Variants in SMG7 observed in about 807,000 individuals in gnomAD.
SMG7 encodes nonsense-mediated mRNA decay factor SMG7.
Under a neutral mutation model 148.2 loss-of-function variants are expected in SMG7, and 34 were observed. That is an observed-to-expected ratio of 0.23 (90% CI 0.17 to 0.31). SMG7 has a LOEUF of 0.31. SMG7 is among the 10% of genes least tolerant of loss of function. SMG7 has a pLI of 1.00. For missense variants in SMG7, 1,114 were observed against 1,408.4 expected (o/e 0.79, Z 3.35); for synonymous variants, 492 against 515.1 (o/e 0.96, Z 0.61).
chr1:183,490,967 G>T (rs905245932), intron 1 of SMG7, among the ~76,000 whole-genome samples: 1 of 152,134 alleles, frequency 6.6e-6, no homozygotes, highest in Non-Finnish European at 1.5e-5. Flanking sequence ...TATATTTTTA[G>T]TAGAGCTGGG....
chr1:183,509,085 C>T (rs1215190349), intron 1 of SMG7, among the ~76,000 whole-genome samples: 1 of 152,126 alleles, frequency 6.6e-6, no homozygotes, highest in East Asian at 1.9e-4. Context: ...TGGTTGTTGT[C>T]TCAACTCTGC....
intron 1 of SMG7, among the ~76,000 whole-genome samples, chr1:183,478,081 G>A (rs1653122246): frequency 6.6e-6 from 1 of 152,132 alleles, no homozygotes; most frequent in African/African-American, 2.4e-5. Flanking sequence ...CCTTATCCTA[G>A]CCTGGGGAGA....
intron 3 of SMG7, among the ~76,000 whole-genome samples, chr1:183,516,819 T>G (rs533630534): frequency 2.7e-4 from 41 of 152,326 alleles, no homozygotes; most frequent in South Asian, 8.3e-4. Flanking sequence ...TCAGAAATGC[T>G]GAGGGAAGTG....
At chr1:183,512,679 T>C (rs1348803000) in intron 1 of SMG7, among the ~76,000 whole-genome samples, 158 bp from the exon 2 acceptor site, 1 of 152,172 alleles carries the variant, frequency 6.6e-6, no homozygotes, top group Non-Finnish European at 1.5e-5. Context: ...ACCCTGATGT[T>C]AAAGTAGGGA....
chr1:183,484,325 T>C (rs1441193114), intron 1 of SMG7, among the ~76,000 whole-genome samples: 2 of 152,034 alleles, frequency 1.3e-5, no homozygotes, highest in Non-Finnish European at 2.9e-5. Flanking sequence ...TTTTAATTTG[T>C]ATTTTAAAAA....
At chr1:183,528,099 G>T in intron 6 of SMG7, 72 bp downstream of exon 6, 1 of 1,145,880 alleles carries the variant, frequency 8.7e-7, no homozygotes. Context: ...GATAACTCAG[G>T]GCTCACCTTT....
rs914130337 is a variant in SMG7 at position 183,541,061 on chromosome 1, G to A, written c.1373G>A (p.Arg458His). The A allele has an allele frequency of 1.2e-6, 2 of 1,613,592 alleles. No homozygotes were observed. The highest frequency in any genetic ancestry group is 1.7e-6 in the Non-Finnish European group (2 of 1,179,506). Residue 458 changes from arginine (R) to histidine (H), a missense_variant, in exon 13 of 23, where the codon CGC becomes CAC. Around this residue, in one of 4 missense-constraint regions of SMG7, gnomAD observed 788 missense variants for 894.5 expected, o/e 0.88. Coordinates refer to ENST00000688051, the MANE Select transcript of SMG7 (RefSeq NM_001375584.1). ...EGQQRRIRQQ[R>H]LISIGKWIAD... ...CAGCAACGACGAATACGACAGCAACGCTTGATCTCTATAGGCAAATGGATT... is the reference window on the plus strand; with the variant it reads ...CAGCAACGACGAATACGACAGCAACACTTGATCTCTATAGGCAAATGGATT...
chr1:183,484,753 C>T (rs1655010985), intron 1 of SMG7, among the ~76,000 whole-genome samples: 1 of 151,940 alleles, frequency 6.6e-6, no homozygotes, highest in Non-Finnish European at 1.5e-5. Flanking sequence ...GAGTTAATAT[C>T]CTTTATCTAA....
Position 183,544,814 on chromosome 1 carries a change from T to C in SMG7, c.1988-116T>C, listed in dbSNP as rs944389863. ...AGTTAAAGATTGACAACATGACTAA[T>C]CTCTTTTGTGATGTGTTAGAAGACT... On this transcript the variant is annotated intron_variant, in intron 15 of 22. Transcript: ENST00000688051. 5.7e-6 allele frequency: 6 copies of C among 1,049,734 alleles called. No homozygotes were observed. The Admixed American group carries it at 1.4e-4, about 24-fold the overall frequency. 65.0% of individuals were successfully genotyped at this position (1,049,734 alleles called of 1,614,324 possible).
intron 4 of SMG7, among the ~76,000 whole-genome samples, chr1:183,526,261 G>A (rs901203473): frequency 7.3e-5 from 11 of 151,206 alleles, no homozygotes; most frequent in African/African-American, 2.7e-4. Flanking sequence ...CGATTCTTGT[G>A]CCTCAGCCTC....
chr1:183,494,277 C>A (rs566369049), intron 1 of SMG7, among the ~76,000 whole-genome samples: 15 of 151,348 alleles, frequency 9.9e-5, no homozygotes, highest in African/African-American at 3.6e-4. Context: ...ATAGTACTTT[C>A]ATTTTCCTTT....
Position 183,495,556 on chromosome 1 carries a change from G to A in SMG7, c.30-17281G>A, listed in dbSNP as rs1267460346. Reference sequence around the variant, plus strand: ...TCAGATTCAAGGGAAGTAGGATGTGGGTGTGTCTTATGCTGTTCAAAAAGG... The same window carrying A: ...TCAGATTCAAGGGAAGTAGGATGTGAGTGTGTCTTATGCTGTTCAAAAAGG... On this transcript the variant is annotated intron_variant, in intron 1 of 22. Coordinates refer to ENST00000688051, the MANE Select transcript of SMG7 (RefSeq NM_001375584.1). 2.0e-5 allele frequency among the ~76,000 whole-genome samples: 3 copies of A among 152,060 alleles called. No homozygotes were observed. The East Asian group carries it at 5.8e-4, about 29-fold the overall frequency.
Position 183,544,921 on chromosome 1 carries a change from G to C in SMG7, c.1988-9G>C. 6.2e-7 allele frequency: 1 copy of C among 1,608,832 alleles called. No homozygotes were observed. Among genetic ancestry groups the C allele is most frequent in the Non-Finnish European group, 8.5e-7 (1 of 1,176,434 alleles). On this transcript the variant is annotated splice_polypyrimidine_tract_variant and intron_variant, in intron 15 of 22. Transcript: ENST00000688051. The stretch of plus-strand genomic sequence containing the variant: ...CTTAAAACTAAAGCTGTGTTCTTCT[G>C]TTTTGAAGGGTTTCCGCCCCCAACA...
intron 20 of SMG7, 86 bp downstream of exon 20, chr1:183,550,009 T>C: frequency 1.2e-6 from 1 of 852,124 alleles, no homozygotes; most frequent in Non-Finnish European, 1.8e-6. Flanking sequence ...TAATTACAAA[T>C]ATATCATTTG....
chr1:183,512,660 C>T (rs1358664052), intron 1 of SMG7, among the ~76,000 whole-genome samples, 177 bp from the exon 2 acceptor site: 3 of 152,110 alleles, frequency 2.0e-5, no homozygotes, highest in African/African-American at 7.2e-5. Context: ...TTTGCCAAGA[C>T]CTTGTGCTAC....
chr1:183,529,481 A>G lies in SMG7; in HGVS notation c.791A>G (p.Lys264Arg). ...IKFHGHVYLS[K>R]SLEKLSPLRE... ...TTCCACGGTCATGTGTACCTGAGTA[A>G]GAGCTTGGAAAAGTTGAGCCCTCTT... The change falls in exon 8 of 23, where the codon AAG becomes AGG. Residue 264 changes from lysine (K) to arginine (R), a missense_variant. Transcript: ENST00000688051. 1 of 1,613,164 alleles carries G rather than the reference A, an allele frequency of 6.2e-7. No individual in the cohort carries two copies. The highest frequency in any genetic ancestry group is 8.5e-7 in the Non-Finnish European group (1 of 1,179,242).
intron 11 of SMG7, among the ~76,000 whole-genome samples, 195 bp downstream of exon 11, chr1:183,537,410 C>T (rs1667987861): frequency 6.6e-6 from 1 of 152,174 alleles, no homozygotes. Context: ...AGCTTATTCT[C>T]ATTTAGCATC....
chr1:183,472,817 G>A, intron 1 of SMG7, 168 bp downstream of exon 1: 2 of 534,554 alleles, frequency 3.7e-6, no homozygotes, highest in Non-Finnish European at 5.9e-6. Context: ...GGCGGAACGG[G>A]TATGGGTGCC....
At chr1:183,513,163 C>A in intron 2 of SMG7, 2 of 290,398 alleles carry the variant, frequency 6.9e-6, no homozygotes, top group Non-Finnish European at 6.2e-6. Context: ...TTAAGACATA[C>A]AGAAAAAATA....
Sources: gnomAD v4.1 joint callset for allele counts (sites outside exome capture counted in the v4.1 genomes callset) on GRCh38, gnomAD v4.1.1 for gene constraint, gnomAD v4.1.1 regional missense constraint, MANE v1.5 for transcripts, NCBI Gene and HGNC (gene_info 2026-07-23, HGNC 2026-07-21) for gene names.